The following COL28A1 variants were observed in gnomAD, a reference collection of about 807,000 sequenced individuals.
The protein encoded by COL28A1 is collagen type XXVIII alpha 1 chain, also known as collagen alpha-1(XXVIII) chain.
COL28A1 carries 161 observed loss-of-function variants against 150.2 expected under a neutral mutation model. The observed-to-expected ratio is 1.07, with a 90% CI of 0.94 to 1.22. COL28A1 has a LOEUF of 1.22. Among genes scored for constraint, COL28A1 ranks in the 50% most tolerant of loss-of-function variants. COL28A1 has a pLI of 0.00. For missense variants in COL28A1, 1,617 were observed against 1,388.3 expected (o/e 1.16, Z -2.62); for synonymous variants, 552 against 469.7 (o/e 1.18, Z -2.26).
At chr7:7,423,425 G>A (rs1784482973) in intron 25 of COL28A1, among the ~76,000 whole-genome samples, 1 of 152,138 alleles carries the variant, frequency 6.6e-6, no homozygotes, top group African/African-American at 2.4e-5. Context: ...TGCTGTAATA[G>A]ACCCCCTTAA....
At chr7:7,499,921 G>C (rs1007680956) in intron 11 of COL28A1, among the ~76,000 whole-genome samples, 1 of 152,140 alleles carries the variant, frequency 6.6e-6, no homozygotes, top group Non-Finnish European at 1.5e-5. Context: ...TACTGGCATA[G>C]AAAATGTAAG....
At chr7:7,540,024 T>C (rs1782757539), upstream of COL28A1, among the ~76,000 whole-genome samples, 1 of 151,934 alleles carries the variant, frequency 6.6e-6, no homozygotes, top group African/African-American at 2.4e-5. Context: ...ATTTCTTCTT[T>C]CCATGTTGTT....
Position 7,376,137 on chromosome 7 carries a change from T to C in COL28A1, c.2323-640A>G, listed in dbSNP as rs140913665. On this transcript the variant is annotated intron_variant, in intron 30 of 34. Transcript: ENST00000399429. ...CCTGAAATGAGCTGGGTACTAGAAA[T>C]AAAGCTGCCAATGCCCTTCCCTGTG... Among the ~76,000 whole-genome samples the C allele has an allele frequency of 9.9e-3, 1,505 of 152,192 alleles. 30 individuals carry two copies. Among genetic ancestry groups the C allele is most frequent in the African/African-American group, 0.035 (1,444 of 41,502 alleles).
chr7:7,413,143 G>A (rs561302681), intron 27 of COL28A1, among the ~76,000 whole-genome samples: 2 of 152,056 alleles, frequency 1.3e-5, no homozygotes, highest in Non-Finnish European at 1.5e-5. Context: ...GGGACCCCAG[G>A]GTTTCTGTTG....
intron 27 of COL28A1, among the ~76,000 whole-genome samples, chr7:7,405,473 T>C (rs1583302725): frequency 6.6e-6 from 1 of 152,188 alleles, no homozygotes; most frequent in African/African-American, 2.4e-5. Context: ...TGGGGAACTT[T>C]TGGAAGACTA....
chr7:7,382,660 G>T lies in COL28A1; in HGVS notation c.2137-1048C>A, dbSNP rs186158467. On this transcript the variant is annotated intron_variant, in intron 27 of 34. Coordinates refer to ENST00000399429, the MANE Select transcript of COL28A1 (RefSeq NM_001037763.3). ...GATAATTATTAGTAATGAGTCTCTG[G>T]CAAAGGCTTGAAGGACCACGGGCTC... 1.4e-4 allele frequency among the ~76,000 whole-genome samples: 21 copies of T among 152,118 alleles called. No homozygotes were observed. In the East Asian group the frequency reaches 3.9e-3, roughly 28 times the overall value.
At chr7:7,446,345 G>A (rs1389292958) in intron 18 of COL28A1, among the ~76,000 whole-genome samples, 2 of 151,836 alleles carry the variant, frequency 1.3e-5, no homozygotes, top group Non-Finnish European at 2.9e-5. Flanking sequence ...AAATGTATTG[G>A]AAAACAATAA....
At chr7:7,343,241 A>G in the COL28A1 span, among the ~76,000 whole-genome samples, 1 of 151,956 alleles carries the variant, frequency 6.6e-6, no homozygotes, top group Non-Finnish European at 1.5e-5. Flanking sequence ...TTTTAAATTG[A>G]TATCTTTTAT....
intron 30 of COL28A1, among the ~76,000 whole-genome samples, chr7:7,377,552 TTCTG>T (rs1177815963): frequency 6.6e-6 from 1 of 152,142 alleles, no homozygotes; most frequent in Non-Finnish European, 1.5e-5. Flanking sequence ...GTGGTCGGCC[TTCTG>T]TCAGAGCATA....
chr7:7,443,315 T>C (rs1408291799), intron 20 of COL28A1, among the ~76,000 whole-genome samples: 1 of 152,212 alleles, frequency 6.6e-6, no homozygotes, highest in Non-Finnish European at 1.5e-5. Context: ...TTCCTTCCTA[T>C]GTGTTTTTTA....
chr7:7,477,528 C>T (rs886988965), intron 13 of COL28A1, among the ~76,000 whole-genome samples: 2 of 152,100 alleles, frequency 1.3e-5, no homozygotes, highest in Non-Finnish European at 2.9e-5. Flanking sequence ...AGAATGAAGC[C>T]GCGGACCCTC....
chr7:7,360,613 A>G, intron 33 of COL28A1, 85 bp from the exon 34 acceptor site: 2 of 1,170,384 alleles, frequency 1.7e-6, no homozygotes, highest in Non-Finnish European at 2.4e-6. Context: ...TATAAAGACT[A>G]GTTCAGCCAT....
At chr7:7,455,775 A>C (rs1323541805) in intron 16 of COL28A1, among the ~76,000 whole-genome samples, 1 of 152,252 alleles carries the variant, frequency 6.6e-6, no homozygotes, top group East Asian at 1.9e-4. Context: ...TATTGCACCA[A>C]AACATTTACC....
chr7:7,484,885 A>G (rs1428645513), intron 13 of COL28A1, among the ~76,000 whole-genome samples: 1 of 152,196 alleles, frequency 6.6e-6, no homozygotes, highest in African/African-American at 2.4e-5. Context: ...CAGAAATCCA[A>G]ATACTGCATG....
intron 27 of COL28A1, among the ~76,000 whole-genome samples, chr7:7,401,213 G>T (rs917360172): frequency 6.6e-6 from 1 of 151,896 alleles, no homozygotes; most frequent in Non-Finnish European, 1.5e-5. Flanking sequence ...TTCTTTGCCA[G>T]GTCCTCTTCA....
chr7:7,431,190 A>G (rs959473406), intron 25 of COL28A1: 15 of 157,276 alleles, frequency 9.5e-5, no homozygotes, highest in African/African-American at 3.6e-4. Flanking sequence ...AAAAGTAAGT[A>G]GATATATTTC....
intron 15 of COL28A1, among the ~76,000 whole-genome samples, chr7:7,456,472 G>T (rs189686963): frequency 1.3e-5 from 2 of 152,188 alleles, no homozygotes; most frequent in East Asian, 1.9e-4. Context: ...AATAAAAATA[G>T]AATGAGAGAT....
At chr7:7,444,570 T>G (rs977598801) in intron 18 of COL28A1, 81 bp from the exon 19 acceptor site, 8 of 1,383,506 alleles carry the variant, frequency 5.8e-6, no homozygotes, top group Non-Finnish European at 8.0e-6. Context: ...TATCTTACAG[T>G]GTCTGAGAAA....
intron 11 of COL28A1, among the ~76,000 whole-genome samples, chr7:7,491,431 T>C (rs1489609894): frequency 1.3e-5 from 2 of 152,234 alleles, no homozygotes; most frequent in African/African-American, 4.8e-5. Context: ...TGAAGAGGCC[T>C]GGCTCCTGGA....
Sources: gnomAD v4.1 joint callset for allele counts (sites outside exome capture counted in the v4.1 genomes callset) on GRCh38, gnomAD v4.1.1 for gene constraint, MANE v1.5 for transcripts, NCBI Gene and HGNC (gene_info 2026-07-23, HGNC 2026-07-21) for gene names.